The following TRNAU1AP variants were observed in gnomAD, a reference collection of about 807,000 sequenced individuals.
TRNAU1AP encodes the protein tRNA selenocysteine 1 associated protein 1.
Under a neutral mutation model 43.3 loss-of-function variants are expected in TRNAU1AP, and 33 were observed. The observed-to-expected ratio is 0.76, with a 90% CI of 0.58 to 1.02. The LOEUF is 1.02. TRNAU1AP is among the 50% of genes least tolerant of loss of function. The probability of loss-of-function intolerance (pLI) is 0.00; values close to 1 mark genes in which losing one functional copy is unlikely to be tolerated. For missense variants in TRNAU1AP, 290 were observed against 362.7 expected (o/e 0.80, Z 1.63); for synonymous variants, 143 against 129.1 (o/e 1.11, Z -0.73).
At chr1:28,561,768 TCTCTA>T (rs901702711) in intron 4 of TRNAU1AP, among the ~76,000 whole-genome samples, 1 of 152,094 alleles carries the variant, frequency 6.6e-6, no homozygotes, top group African/African-American at 2.4e-5. Flanking sequence ...CAAAACCCTG[TCTCTA>T]CAAAAAAATA....
At position 28,555,366 on chromosome 1, in the gene TRNAU1AP, A is replaced by G. The variant is rs1665235203; in HGVS notation, c.125+1629A>G. On this transcript the variant is annotated intron_variant, in intron 2 of 8. Transcript: ENST00000373830. ...GTGGGGAATGAGACAATAAATAAGTAAACATAACCAAATGCGTATTTTCAG... is the reference window on the plus strand; with the variant it reads ...GTGGGGAATGAGACAATAAATAAGTGAACATAACCAAATGCGTATTTTCAG... Among the ~76,000 whole-genome samples the G allele has an allele frequency of 2.0e-5, 3 of 152,362 alleles. No homozygotes were observed. In the South Asian group the frequency reaches 6.2e-4, roughly 32 times the overall value.
At position 28,553,094 on chromosome 1, in the gene TRNAU1AP, C is replaced by T; in HGVS notation, c.-17C>T. On this transcript the variant is annotated 5_prime_UTR_variant, in exon 1 of 9. Transcript: ENST00000373830. ...CCGCAGAGCCCCGCCCGCAAAGCCC[C>T]ACCCCGGTGCGCGGGTATGGCGGCC... is the stretch of plus-strand genomic sequence containing the variant. 6.6e-7 allele frequency: 1 copy of T among 1,524,948 alleles called. No homozygotes were observed. Among genetic ancestry groups the T allele is most frequent in the Non-Finnish European group, 8.8e-7 (1 of 1,135,328 alleles). The allele number at this position is 1,524,948 out of a possible 1,614,324, so 94.5% of individuals were successfully genotyped here. A position where few individuals can be genotyped will look rare whatever the true frequency, so the allele number is the denominator to read the frequency against.
At chr1:28,575,727 AT>A (rs1451522467) in intron 8 of TRNAU1AP, among the ~76,000 whole-genome samples, 2 of 139,332 alleles carry the variant, frequency 1.4e-5, no homozygotes, top group East Asian at 4.3e-4. Flanking sequence ...TTCTATTTCT[AT>A]TTTTCTAACC....
intron 1 of TRNAU1AP, 131 bp from the exon 2 acceptor site, chr1:28,553,509 T>A: frequency 1.2e-6 from 1 of 829,862 alleles, no homozygotes; most frequent in East Asian, 2.7e-5. Flanking sequence ...GGCCGCTCAG[T>A]GGAGGCGAAC....
intron 6 of TRNAU1AP, among the ~76,000 whole-genome samples, 162 bp from the exon 7 acceptor site, chr1:28,571,014 G>A (rs965013671): frequency 2.0e-5 from 3 of 151,998 alleles, no homozygotes; most frequent in East Asian, 1.9e-4. Context: ...GCAGTGAGCC[G>A]AGATTGCGCC....
At position 28,553,114 on chromosome 1, in the gene TRNAU1AP, G is replaced by C; in HGVS notation, c.4G>C (p.Ala2Pro). The C allele has an allele frequency of 6.6e-7, 1 of 1,521,940 alleles. No homozygotes were observed. Among genetic ancestry groups the C allele is most frequent in the Non-Finnish European group, 8.8e-7 (1 of 1,132,836 alleles). 94.3% of individuals were successfully genotyped at this position (1,521,940 alleles called of 1,614,324 possible). A position where few individuals can be genotyped will look rare whatever the true frequency, so the allele number is the denominator to read the frequency against. Residue 2 changes from alanine (A) to proline (P), a missense_variant, in exon 1 of 9, where the codon GCG (alanine) becomes CCG (proline). Around this residue, in one of 3 missense-constraint regions of TRNAU1AP, gnomAD observed 59 missense variants for 45.5 expected, o/e 1.30. Coordinates refer to ENST00000373830, the MANE Select transcript of TRNAU1AP (RefSeq NM_017846.5). M[A>P]ASLWMGDLEP... ...AGCCCCACCCCGGTGCGCGGGTATG[G>C]CGGCCAGCCTGTGGATGGGCGACGT...
chr1:28,553,276 A>T, intron 1 of TRNAU1AP, 139 bp downstream of exon 1: 1 of 1,032,920 alleles, frequency 9.7e-7, no homozygotes, highest in South Asian at 1.7e-5. Flanking sequence ...GTGACACAGA[A>T]GCGGGTTCCA....
At position 28,557,158 on chromosome 1, in the gene TRNAU1AP, A is replaced by G. The variant is rs534624407; in HGVS notation, c.125+3421A>G. 1.6e-3 allele frequency among the ~76,000 whole-genome samples: 244 copies of G among 149,712 alleles called. 5 individuals are homozygous for G. In the South Asian group the frequency reaches 0.045, roughly 28 times the overall value. The stretch of plus-strand genomic sequence containing the variant: ...ATATGGGCCAGGCACAGTGGCTCAC[A>G]CCTGTAATCCCAGCACTTTGGGAGG... On this transcript the variant is annotated intron_variant, in intron 2 of 8. Transcript: ENST00000373830.
chr1:28,562,943 T>G (rs1323313171), intron 4 of TRNAU1AP, among the ~76,000 whole-genome samples: 2 of 147,408 alleles, frequency 1.4e-5, no homozygotes, highest in Non-Finnish European at 3.0e-5. Flanking sequence ...TTGCCCAAGC[T>G]GGAGTGCAGT....
chr1:28,567,396 C>T lies in TRNAU1AP; in HGVS notation c.513C>T (p.Ser171=), dbSNP rs755740673. Residue 171 remains serine, a synonymous_variant, in exon 6 of 9, where the codon AGC becomes AGT. Coordinates refer to ENST00000373830, the MANE Select transcript of TRNAU1AP (RefSeq NM_017846.5). Reference sequence around the variant, plus strand: ...TGGGGTCTAAGCCTGTGCGGCTGAGCGTGGCAATCCCTAAAGCGTGAGTCC... The same window carrying T: ...TGGGGTCTAAGCCTGTGCGGCTGAGTGTGGCAATCCCTAAAGCGTGAGTCC... ...VGLGSKPVRL[S]VAIPKASRVK... 2.1e-5 allele frequency: 33 copies of T among 1,608,732 alleles called. No homozygotes were observed. The highest frequency in any genetic ancestry group is 1.6e-4 in the East Asian group (7 of 44,732).
At chr1:28,568,649 T>C (rs1665592237) in intron 6 of TRNAU1AP, among the ~76,000 whole-genome samples, 1 of 152,024 alleles carries the variant, frequency 6.6e-6, no homozygotes, top group African/African-American at 2.4e-5. Flanking sequence ...ATTGACAACA[T>C]CTGGAGACAT....
At chr1:28,572,511 TTTTA>T (rs1309941546) in intron 8 of TRNAU1AP, among the ~76,000 whole-genome samples, 2 of 152,014 alleles carry the variant, frequency 1.3e-5, no homozygotes, top group African/African-American at 2.4e-5. Flanking sequence ...TACTGTTACC[TTTTA>T]TTTGTTTGAC....
intron 8 of TRNAU1AP, among the ~76,000 whole-genome samples, chr1:28,575,883 T>G (rs1225064196): frequency 6.2e-5 from 6 of 97,250 alleles, no homozygotes; most frequent in African/African-American, 2.2e-4. Context: ...TTTTTTGAGA[T>G]AGAGTCTTTG....
At chr1:28,573,947 A>C (rs552652339) in intron 8 of TRNAU1AP, among the ~76,000 whole-genome samples, 1 of 152,002 alleles carries the variant, frequency 6.6e-6, no homozygotes, top group South Asian at 2.1e-4. Flanking sequence ...CAAAAAAAAA[A>C]ACAACAGTAT....
intron 2 of TRNAU1AP, among the ~76,000 whole-genome samples, chr1:28,557,317 G>C (rs1665287593): frequency 6.6e-6 from 1 of 151,502 alleles, no homozygotes. Flanking sequence ...CTACTCGGGA[G>C]GCTGAGGCAG....
chr1:28,576,854 C>T (rs1384524777), intron 8 of TRNAU1AP, among the ~76,000 whole-genome samples: 1 of 152,182 alleles, frequency 6.6e-6, no homozygotes, highest in Non-Finnish European at 1.5e-5. Context: ...CCGCCTCGAC[C>T]TGCTGAAGTG....
At position 28,577,603 on chromosome 1, in the gene TRNAU1AP, C is replaced by T; in HGVS notation, c.831C>T (p.Asp277=). The change falls in exon 9 of 9, where the codon GAC becomes GAT. Residue 277 remains aspartate (D), a synonymous_variant. Coordinates refer to ENST00000373830, the MANE Select transcript of TRNAU1AP (RefSeq NM_017846.5). The part of the protein sequence containing the change: ...ALMDCHWQPL[D]TVSSEIPAMM ...TGGACTGTCACTGGCAGCCCCTGGA[C>T]ACAGTGTCTTCAGAGATCCCTGCCA... 6.2e-7 allele frequency: 1 copy of T among 1,614,154 alleles called. No individual in the cohort carries two copies. Among genetic ancestry groups the T allele is most frequent in the Non-Finnish European group, 8.5e-7 (1 of 1,179,984 alleles).
rs1665835589 is a variant in TRNAU1AP at position 28,577,888 on chromosome 1, AG to A, written c.*254del. On this transcript the variant is annotated 3_prime_UTR_variant, in exon 9 of 9. Transcript: ENST00000373830. ...CCTTTGTCCAGGTAGTTATCCACAT[AG>A]GACAGTTTGGGATTATCCAAAACTG... is the stretch of plus-strand genomic sequence containing the variant. 2.5e-6 allele frequency: 1 copy of A among 404,038 alleles called. No homozygotes were observed. The highest frequency in any genetic ancestry group is 5.3e-5 in the East Asian group (1 of 18,856). The allele number at this position is 404,038 out of a possible 1,614,324, so 25.0% of individuals were successfully genotyped here.
At chr1:28,560,895 G>C (rs975764077) in intron 3 of TRNAU1AP, 163 bp downstream of exon 3, 1 of 863,596 alleles carries the variant, frequency 1.2e-6, no homozygotes, top group African/African-American at 1.7e-5. Context: ...TCAGGGAATT[G>C]AAATAACTTG....
Sources: gnomAD v4.1 joint callset for allele counts (sites outside exome capture counted in the v4.1 genomes callset) on GRCh38, gnomAD v4.1.1 for gene constraint, gnomAD v4.1.1 regional missense constraint, MANE v1.5 for transcripts, NCBI Gene and HGNC (gene_info 2026-07-23, HGNC 2026-07-21) for gene names.